Variants in TMX4 observed in about 807,000 individuals in gnomAD.
TMX4 encodes the protein thioredoxin related transmembrane protein 4.
Under a neutral mutation model 33.3 loss-of-function variants are expected in TMX4, and 23 were observed. The ratio of observed to expected loss-of-function variants is 0.69; its 90% CI spans 0.50 to 0.98. The LOEUF (loss-of-function observed/expected upper bound fraction) is 0.98. Among genes scored for constraint, TMX4 ranks in the 50% least tolerant of loss-of-function variants. The pLI, the probability that TMX4 is intolerant of heterozygous loss-of-function variation, is 0.00. For synonymous variants in TMX4, 164 were observed against 161.5 expected (o/e 1.02, Z -0.12); for missense variants, 399 against 448.9 (o/e 0.89, Z 1.01).
At chr20:8,016,630 T>C (rs1442815906) in intron 1 of TMX4, among the ~76,000 whole-genome samples, 1 of 152,202 alleles carries the variant, frequency 6.6e-6, no homozygotes, top group Non-Finnish European at 1.5e-5. Context: ...CAAATACTGC[T>C]AGATTCTTAA....
chr20:8,016,829 T>A (rs1323441523), intron 1 of TMX4, among the ~76,000 whole-genome samples: 1 of 152,178 alleles, frequency 6.6e-6, no homozygotes, highest in Non-Finnish European at 1.5e-5. Context: ...TTTAAAGAAG[T>A]TAACTACAAC....
chr20:7,993,562 C>A (rs1284189734), intron 5 of TMX4, among the ~76,000 whole-genome samples: 1 of 152,042 alleles, frequency 6.6e-6, no homozygotes, highest in Non-Finnish European at 1.5e-5. Context: ...GATGGGTAGC[C>A]AAGGACTGGG....
In TMX4 at chr20:7,996,074, TAA is replaced by T; in HGVS notation, c.468-5_468-4del. The T allele has an allele frequency of 6.5e-7, 1 of 1,545,478 alleles. No individual in the cohort carries two copies. Among genetic ancestry groups the T allele is most frequent in the South Asian group, 1.2e-5 (1 of 86,028 alleles). On this transcript the variant is annotated splice_region_variant and splice_polypyrimidine_tract_variant and intron_variant, in intron 4 of 7. Transcript: ENST00000246024. ...AAAGACCAGCCATTCCAGACATCCT[TAA>T]AAAAAAATAAAGAGAAGAAACAGTG...
chr20:7,982,712 G>A (rs1272007961), intron 7 of TMX4, 91 bp from the exon 8 acceptor site: 2 of 1,393,810 alleles, frequency 1.4e-6, no homozygotes, highest in African/African-American at 2.9e-5. Context: ...TAAAAATAGA[G>A]GGTAAGTGAC....
At chr20:7,986,002 G>T (rs921243733) in intron 6 of TMX4, among the ~76,000 whole-genome samples, 1 of 152,206 alleles carries the variant, frequency 6.6e-6, no homozygotes, top group Middle Eastern at 3.4e-3. Flanking sequence ...TCATTGACTC[G>T]CCTGGGACCT....
chr20:7,985,701 T>C (rs1180040623), intron 6 of TMX4, among the ~76,000 whole-genome samples: 1 of 152,096 alleles, frequency 6.6e-6, no homozygotes, highest in African/African-American at 2.4e-5. Context: ...ATAAAGTTAA[T>C]AATATTTTGT....
chr20:7,987,454 C>A (rs889578533), intron 5 of TMX4, 65 bp from the exon 6 acceptor site: 8 of 1,174,732 alleles, frequency 6.8e-6, no homozygotes, highest in South Asian at 1.6e-5. Flanking sequence ...TTCAATCTCT[C>A]TCTCTAGCTG....
At position 7,978,709 on chromosome 20, in the gene TMX4, A is replaced by G. The variant is rs893259898; in HGVS notation, c.*3542T>C. 3 of 152,226 alleles carry G rather than the reference A, an allele frequency of 2.0e-5. No homozygotes were observed. Among genetic ancestry groups the G allele is most frequent in the African/African-American group, 7.2e-5 (3 of 41,438 alleles). The allele number at this position is 152,226 out of a possible 1,614,324, so 9.4% of individuals were successfully genotyped here. On this transcript the variant is annotated 3_prime_UTR_variant, in exon 8 of 8. Coordinates refer to ENST00000246024, the MANE Select transcript of TMX4 (RefSeq NM_021156.4). ...TTTTAAGTATGTGCCCATGCAGTGCAAGGCCCTGTGAACCCAACAGGCCCT... is the reference window on the plus strand; with the variant it reads ...TTTTAAGTATGTGCCCATGCAGTGCGAGGCCCTGTGAACCCAACAGGCCCT...
intron 1 of TMX4, 47 bp from the exon 2 acceptor site, chr20:8,010,362 T>C: frequency 1.6e-6 from 2 of 1,240,816 alleles, no homozygotes; most frequent in Non-Finnish European, 2.2e-6. Context: ...ACAGAAGAAA[T>C]CTGCAAAACA....
chr20:8,019,417 G>GGGGC, intron 1 of TMX4, 21 bp downstream of exon 1: 1 of 1,511,762 alleles, frequency 6.6e-7, no homozygotes. Context: ...TGCGGCGTCC[G>GGGGC]GGGCGGGCGG....
At chr20:8,010,161 C>A in intron 2 of TMX4, 39 bp downstream of exon 2, 1 of 1,539,600 alleles carries the variant, frequency 6.5e-7, no homozygotes, top group South Asian at 1.1e-5. Flanking sequence ...AATAAAAAGT[C>A]GGTAAACTTT....
intron 1 of TMX4, 68 bp from the exon 2 acceptor site, chr20:8,010,383 G>A: frequency 1.1e-6 from 1 of 951,370 alleles, no homozygotes; most frequent in Non-Finnish European, 1.5e-6. Context: ...GAGAAATCGA[G>A]TATTTAAATT....
At position 8,005,849 on chromosome 20, in the gene TMX4, A is replaced by C. The variant is rs1295613935; in HGVS notation, c.293-4308T>G. Among the ~76,000 whole-genome samples the C allele has an allele frequency of 2.0e-5, 3 of 152,172 alleles. No individual in the cohort carries two copies. The South Asian group carries it at 6.2e-4, about 32-fold the overall frequency. ...GGTGGCCCAACTCCAGGGGAAAACC[A>C]CCACCTTCCCACTCCATCCCCGTTC... On this transcript the variant is annotated intron_variant, in intron 2 of 7. Coordinates refer to ENST00000246024, the MANE Select transcript of TMX4 (RefSeq NM_021156.4).
chr20:8,002,981 G>C (rs2050713654), intron 2 of TMX4, among the ~76,000 whole-genome samples: 1 of 152,214 alleles, frequency 6.6e-6, no homozygotes, highest in African/African-American at 2.4e-5. Context: ...ATAAACACGA[G>C]TGACCCAAAA....
rs141086258 is a variant in TMX4 at position 8,014,910 on chromosome 20, G to A, written c.176+4528C>T. Among the ~76,000 whole-genome samples, 222 of 152,220 alleles carry A rather than the reference G, an allele frequency of 1.5e-3. 4 individuals carry two copies. The East Asian group carries it at 0.036, about 25-fold the overall frequency. ...CCTCCAGGCTCCCCAGGAGAACTGG[G>A]AACTGCAGATCAGAAACTGCAAAGC... On this transcript the variant is annotated intron_variant, in intron 1 of 7. Coordinates refer to ENST00000246024, the MANE Select transcript of TMX4 (RefSeq NM_021156.4).
At position 7,978,480 on chromosome 20, in the gene TMX4, T is replaced by G. The variant is rs962919321; in HGVS notation, c.*3771A>C. The G allele has an allele frequency of 6.6e-6, 1 of 152,214 alleles. No homozygotes were observed. The highest frequency in any genetic ancestry group is 2.4e-5 in the African/African-American group (1 of 41,452). 9.4% of individuals were successfully genotyped at this position (152,214 alleles called of 1,614,324 possible). A position where few individuals can be genotyped will look rare whatever the true frequency, so the allele number is the denominator to read the frequency against. ...GTGTTTTTACAGGATGCAGGTTCTG[T>G]AGACTGACATATTCCCAAATCATAT... On this transcript the variant is annotated 3_prime_UTR_variant, in exon 8 of 8. Coordinates refer to ENST00000246024, the MANE Select transcript of TMX4 (RefSeq NM_021156.4).
chr20:8,017,985 T>G (rs1329853206), intron 1 of TMX4, among the ~76,000 whole-genome samples: 2 of 152,074 alleles, frequency 1.3e-5, no homozygotes, highest in Non-Finnish European at 2.9e-5. Context: ...AAGAGGTAAA[T>G]GCACATTTGA....
intron 5 of TMX4, among the ~76,000 whole-genome samples, chr20:7,990,204 A>C (rs1309309977): frequency 1.3e-5 from 2 of 151,952 alleles, no homozygotes; most frequent in African/African-American, 4.8e-5. Flanking sequence ...CTGGGGCAGG[A>C]GAATTGCTTG....
intron 4 of TMX4, 70 bp from the exon 5 acceptor site, chr20:7,996,141 G>A (rs2050675402): frequency 7.8e-7 from 1 of 1,283,718 alleles, no homozygotes; most frequent in Non-Finnish European, 1.1e-6. Context: ...ATCAGGTCAG[G>A]AGGACTGGTC....
Sources: allele counts gnomAD v4.1 joint callset (sites outside exome capture counted in the v4.1 genomes callset), GRCh38; gene constraint gnomAD v4.1.1; transcripts MANE v1.5; gene names NCBI Gene and HGNC (gene_info 2026-07-23, HGNC 2026-07-21).